The following TBC1D32 variants were observed in gnomAD, a reference collection of about 807,000 sequenced individuals.
The protein encoded by TBC1D32 is protein broad-minded.
A neutral mutation model predicts 170.3 loss-of-function variants in TBC1D32; 151 were observed. The ratio of observed to expected loss-of-function variants is 0.89; its 90% CI spans 0.78 to 1.01. The LOEUF (loss-of-function observed/expected upper bound fraction) is 1.01. Ranked by LOEUF, TBC1D32 falls within the 50% of genes least tolerant of loss-of-function variation. The pLI is 0.00. For missense variants in TBC1D32, 1,464 were observed against 1,457.1 expected (o/e 1.00, Z -0.08); for synonymous variants, 498 against 488.0 (o/e 1.02, Z -0.27).
At chr6:121,152,208 T>C (rs111585037) in intron 24 of TBC1D32, among the ~76,000 whole-genome samples, 2,182 of 152,272 alleles carry the variant, frequency 0.014, 14 homozygotes, top group Middle Eastern at 0.031. Context: ...AGTGACAAAA[T>C]CCCTCAGCAT....
chr6:121,307,211 C>T (rs192304592), intron 5 of TBC1D32, among the ~76,000 whole-genome samples: 10 of 151,488 alleles, frequency 6.6e-5, no homozygotes, highest in Admixed American at 6.6e-4. Context: ...TCCATCTCTA[C>T]AAAAAATACA....
chr6:121,255,639 AATATC>A (rs938334566), intron 16 of TBC1D32, among the ~76,000 whole-genome samples: 1 of 151,536 alleles, frequency 6.6e-6, no homozygotes, highest in Non-Finnish European at 1.5e-5. Flanking sequence ...TTGTTAATGA[AATATC>A]ATATAACATA....
At chr6:121,128,380 C>T (rs1172132120) in intron 25 of TBC1D32, among the ~76,000 whole-genome samples, 2 of 152,150 alleles carry the variant, frequency 1.3e-5, no homozygotes, top group Non-Finnish European at 2.9e-5. Flanking sequence ...AGCTGAACTA[C>T]ATAATTACTA....
rs1462497038 is a variant in TBC1D32, at chr6:121,256,222, T to C, written c.1797A>G (p.Ile599Met). Residue 599 changes from isoleucine to methionine, a missense_variant, in exon 16 of 32, where the codon ATA (isoleucine) becomes ATG (methionine). Around this residue, in one of 3 missense-constraint regions of TBC1D32, gnomAD observed 1,363 missense variants for 1,338.1 expected, o/e 1.02. Transcript: ENST00000398212. ...CAGGCAACATTTCTGATCCAGAAAA[T>C]ATAGAAATATCTTCATCGAGAAGTT... ...SKKLLDEDIS[I>M]FSGSEMLPVV... 3.1e-6 allele frequency: 5 copies of C among 1,613,658 alleles called. No individual in the cohort carries two copies. Among genetic ancestry groups the C allele is most frequent in the Non-Finnish European group, 4.2e-6 (5 of 1,179,880 alleles).
At chr6:121,310,738 A>G (rs1808063154) in intron 4 of TBC1D32, 41 bp downstream of exon 4, 1 of 1,236,800 alleles carries the variant, frequency 8.1e-7, no homozygotes, top group Non-Finnish European at 1.2e-6. Flanking sequence ...TTGTAAATGT[A>G]TGTTATCTGC....
At chr6:121,289,681 G>T (rs186481230) in intron 12 of TBC1D32, among the ~76,000 whole-genome samples, 1 of 152,032 alleles carries the variant, frequency 6.6e-6, no homozygotes, top group Non-Finnish European at 1.5e-5. Flanking sequence ...AAAAGAGCCC[G>T]CATTGCCAAG....
At chr6:121,169,884 GA>G (rs1487757548) in intron 22 of TBC1D32, among the ~76,000 whole-genome samples, 4 of 152,050 alleles carry the variant, frequency 2.6e-5, no homozygotes, top group Non-Finnish European at 2.9e-5. Flanking sequence ...ATTTATTAAT[GA>G]AAAAAATTAT....
intron 24 of TBC1D32, among the ~76,000 whole-genome samples, chr6:121,135,506 T>C (rs577359921): frequency 1.3e-5 from 2 of 152,294 alleles, no homozygotes; most frequent in African/African-American, 2.4e-5. Context: ...GTGAGCTTTA[T>C]GGTTGTCCAC....
chr6:121,169,583 T>A (rs150500215), intron 22 of TBC1D32, among the ~76,000 whole-genome samples: 4 of 152,296 alleles, frequency 2.6e-5, no homozygotes, highest in Admixed American at 6.5e-5. Flanking sequence ...ATTTCTACAG[T>A]GACTTCAACA....
At chr6:121,102,252 T>C (rs1778193593) in intron 30 of TBC1D32, among the ~76,000 whole-genome samples, 1 of 152,124 alleles carries the variant, frequency 6.6e-6, no homozygotes, top group African/African-American at 2.4e-5. Flanking sequence ...AAAGTTCATG[T>C]GGAACCAGAA....
chr6:121,243,247 T>G (rs960743582), intron 17 of TBC1D32, among the ~76,000 whole-genome samples: 1 of 151,966 alleles, frequency 6.6e-6, no homozygotes, highest in Non-Finnish European at 1.5e-5. Context: ...ATAAAAAATA[T>G]AGAGAAATTT....
At chr6:121,249,550 C>T (rs1798037048) in intron 17 of TBC1D32, among the ~76,000 whole-genome samples, 1 of 151,810 alleles carries the variant, frequency 6.6e-6, no homozygotes, top group African/African-American at 2.4e-5. Flanking sequence ...ATTATATGAT[C>T]ATATACCTCA....
intron 21 of TBC1D32, among the ~76,000 whole-genome samples, chr6:121,217,280 T>C (rs927156486): frequency 3.3e-5 from 5 of 152,236 alleles, no homozygotes; most frequent in South Asian, 2.1e-4. Flanking sequence ...CAGAAGCAAT[T>C]TGCCTTCAGC....
intron 20 of TBC1D32, among the ~76,000 whole-genome samples, chr6:121,225,883 T>C (rs1794998392): frequency 6.6e-6 from 1 of 152,128 alleles, no homozygotes. Flanking sequence ...CAAACACACA[T>C]TATAAGATGT....
chr6:121,283,750 A>G, intron 13 of TBC1D32, 68 bp downstream of exon 13: 1 of 1,234,830 alleles, frequency 8.1e-7, no homozygotes, highest in South Asian at 1.3e-5. Context: ...CAAAACATCT[A>G]GACAATAGAA....
intron 3 of TBC1D32, among the ~76,000 whole-genome samples, chr6:121,313,108 GTGTGT>G (rs1808453831): frequency 2.3e-3 from 3 of 1,304 alleles, no homozygotes; most frequent in South Asian, 0.071. Context: ...CTAAGGTGGT[GTGTGT>G]GTGTGTGTGT....
At chr6:121,310,511 A>T (rs1808031746) in intron 4 of TBC1D32, among the ~76,000 whole-genome samples, 1 of 152,200 alleles carries the variant, frequency 6.6e-6, no homozygotes, top group African/African-American at 2.4e-5. Context: ...AGTTTGGGGG[A>T]CAACTGCCTA....
intron 31 of TBC1D32, among the ~76,000 whole-genome samples, chr6:121,081,632 T>G (rs1486617056): frequency 6.6e-6 from 1 of 151,900 alleles, no homozygotes; most frequent in Non-Finnish European, 1.5e-5. Flanking sequence ...AAGGCAAGAA[T>G]TACTATAAGA....
chr6:121,258,000 C>G (rs972740553), intron 15 of TBC1D32, among the ~76,000 whole-genome samples: 1 of 152,044 alleles, frequency 6.6e-6, no homozygotes, highest in Non-Finnish European at 1.5e-5. Context: ...AAAGTAGTTG[C>G]TACCATTCCA....
Sources: allele counts gnomAD v4.1 joint callset (sites outside exome capture counted in the v4.1 genomes callset), GRCh38; gene constraint gnomAD v4.1.1; regional missense constraint gnomAD v4.1.1; transcripts MANE v1.5; gene names NCBI Gene and HGNC (gene_info 2026-07-23, HGNC 2026-07-21).